FGL2: variants seen among roughly 807,000 people sequenced by gnomAD.
The protein encoded by FGL2 is fibroleukin.
In FGL2, 21 loss-of-function variants were observed where a neutral mutation model predicts 36.0. The observed-to-expected ratio is 0.58, with a 90% CI of 0.41 to 0.84. The LOEUF (loss-of-function observed/expected upper bound fraction) is 0.84, where lower values mean the gene tolerates loss of function less well. Among genes scored for constraint, FGL2 ranks in the 40% least tolerant of loss-of-function variants. The pLI is 0.00. For missense variants in FGL2, 444 were observed against 526.3 expected, an observed-to-expected ratio of 0.84 and a Z score of 1.53; for synonymous variants, 183 against 190.7, an observed-to-expected ratio of 0.96 and a Z score of 0.33.
rs1791828055 is a variant in FGL2, at chr7:77,194,460, T to G, written c.*1819A>C. 1 of 152,114 alleles carries G rather than the reference T, an allele frequency of 6.6e-6. No individual in the cohort carries two copies. Among genetic ancestry groups the G allele is most frequent in the African/African-American group, 2.4e-5 (1 of 41,462 alleles). 9.4% of individuals were successfully genotyped at this position (152,114 alleles called of 1,614,324 possible). A position where few individuals can be genotyped will look rare whatever the true frequency, so the allele number is the denominator to read the frequency against. On this transcript the variant is annotated 3_prime_UTR_variant, in exon 2 of 2. Transcript: ENST00000248598. ...ACATTTTGGTCATCATTTAATGCTA[T>G]TTGCATTTCTCTTTAACATTTTAAT...
At chr7:77,199,057 C>T (rs1172130955) in intron 1 of FGL2, 124 bp downstream of exon 1, 4 of 828,906 alleles carry the variant, frequency 4.8e-6, no homozygotes, top group Non-Finnish European at 5.7e-6. Flanking sequence ...TTCCTGTGCA[C>T]CTTGATAAAT....
In FGL2 at chr7:77,196,314, T is replaced by C; in HGVS notation, c.1285A>G (p.Lys429Glu). The change falls in exon 2 of 2, where the codon AAG (lysine) becomes GAG (glutamate). Residue 429 changes from lysine (K) to glutamate (E), a missense_variant. Physicochemically the swap from Lys to Glu is moderately conservative, Grantham distance 56 (BLOSUM62 1). Transcript: ENST00000248598. The surrounding 1 kb of genome is among the most constrained non-coding windows in gnomAD (Gnocchi z 4.2). ...GGYKSSFKEA[K>E]MMIRPKHFKP Reference sequence around the variant, plus strand: ...AAGTGCTTGGGTCTGATCATCATCTTAGCCTCTTTGAAGGAGGACTTGTAG... The same window carrying C: ...AAGTGCTTGGGTCTGATCATCATCTCAGCCTCTTTGAAGGAGGACTTGTAG... 1 of 1,614,090 alleles carries C rather than the reference T, an allele frequency of 6.2e-7. No homozygotes were observed. The highest frequency in any genetic ancestry group is 8.5e-7 in the Non-Finnish European group (1 of 1,179,970).
chr7:77,198,304 A>G (rs749346721), intron 1 of FGL2: 4 of 985,234 alleles, frequency 4.1e-6, no homozygotes, highest in Non-Finnish European at 4.8e-6. Context: ...TGTCCTTTCA[A>G]CCTCACGTTC....
Position 77,196,142 on chromosome 7 carries a change from G to C in FGL2, c.*137C>G, listed in dbSNP as rs534268977. 1.6e-6 allele frequency: 1 copy of C among 636,378 alleles called. No homozygotes were observed. Among genetic ancestry groups the C allele is most frequent in the East Asian group, 2.7e-5 (1 of 36,474 alleles). 39.4% of individuals were successfully genotyped at this position (636,378 alleles called of 1,614,324 possible). On this transcript the variant is annotated 3_prime_UTR_variant, in exon 2 of 2. Coordinates refer to ENST00000248598, the MANE Select transcript of FGL2 (RefSeq NM_006682.3). The surrounding 1 kb of genome is among the most constrained non-coding windows in gnomAD (Gnocchi z 4.2). Reference sequence around the variant, plus strand: ...ATTGTTTTTCAGCTTTATTTCAAATGCTGTGTAGCATAAGAACCTAGCCGT... The same window carrying C: ...ATTGTTTTTCAGCTTTATTTCAAATCCTGTGTAGCATAAGAACCTAGCCGT...
Position 77,199,809 on chromosome 7 carries a change from C to T in FGL2, c.-16G>A, listed in dbSNP as rs751134997. ...CCAGCTTCATCTTTACAGTGCTGCT[C>T]ACCCCAGCAGGGAGTGCGCAGGGCT... On this transcript the variant is annotated 5_prime_UTR_variant, in exon 1 of 2. Transcript: ENST00000248598. 1.2e-6 allele frequency: 2 copies of T among 1,609,374 alleles called. No homozygotes were observed. Among genetic ancestry groups the T allele is most frequent in the Non-Finnish European group, 1.7e-6 (2 of 1,177,182 alleles).
Position 77,195,347 on chromosome 7 carries a change from A to G in FGL2, c.*932T>C, listed in dbSNP as rs1375852258. 6.6e-6 allele frequency: 1 copy of G among 152,206 alleles called. No homozygotes were observed. The highest frequency in any genetic ancestry group is 1.5e-5 in the Non-Finnish European group (1 of 68,030). 9.4% of individuals were successfully genotyped at this position (152,206 alleles called of 1,614,324 possible). ...TTTAAACCCTGGTCTTCACAGTTAC[A>G]TTGCTTTCTGAATGCTTTTTGGGGT... On this transcript the variant is annotated 3_prime_UTR_variant, in exon 2 of 2. Transcript: ENST00000248598.
intron 1 of FGL2, 170 bp downstream of exon 1, chr7:77,199,011 T>C: frequency 1.6e-6 from 1 of 627,408 alleles, no homozygotes; most frequent in South Asian, 2.1e-5. Context: ...AATTAGGTCA[T>C]ATTTATGTGG....
chr7:77,196,575 C>T lies in FGL2; in HGVS notation c.1024G>A (p.Ala342Thr), dbSNP rs1205279053. The change falls in exon 2 of 2, where the codon GCA becomes ACA. Residue 342 changes from alanine to threonine, a missense_variant. Physicochemically the swap from Ala to Thr is moderately conservative, Grantham distance 58. Coordinates refer to ENST00000248598, the MANE Select transcript of FGL2 (RefSeq NM_006682.3). The surrounding 1 kb of genome is among the most constrained non-coding windows in gnomAD (Gnocchi z 4.2). ...TTGTAATGTTTGTTGAAACGTAATGCATCTCCAGCTGTGCCATTATAGTTA... is the reference window on the plus strand; with the variant it reads ...TTGTAATGTTTGTTGAAACGTAATGTATCTCCAGCTGTGCCATTATAGTTA... Reference protein sequence around the residue: ...VGNYNGTAGDALRFNKHYNHD... With the variant: ...VGNYNGTAGDTLRFNKHYNHD... The T allele has an allele frequency of 1.2e-6, 2 of 1,614,006 alleles. No homozygotes were observed. Among genetic ancestry groups the T allele is most frequent in the Admixed American group, 3.3e-5 (2 of 60,006 alleles).
chr7:77,196,613 C>T lies in FGL2; in HGVS notation c.986G>A (p.Arg329His), dbSNP rs767324365. The stretch of plus-strand genomic sequence containing the variant: ...GCCATTATAGTTACCAACGTGTAAA[C>T]GATATTTGAGAAACTCATTAGCCAC... Reference protein sequence around the residue: ...FYVANEFLKYRLHVGNYNGTA... With the variant: ...FYVANEFLKYHLHVGNYNGTA... Residue 329 changes from arginine to histidine, a missense_variant, in exon 2 of 2, where the codon CGT (arginine) becomes CAT (histidine). Physicochemically the swap from Arg to His is conservative, Grantham distance 29. Transcript: ENST00000248598. The surrounding 1 kb of genome is among the most constrained non-coding windows in gnomAD (Gnocchi z 4.2). The T allele has an allele frequency of 1.4e-5, 23 of 1,613,882 alleles. No homozygotes were observed. The highest frequency in any genetic ancestry group is 3.3e-5 in the Admixed American group (2 of 59,988).
chr7:77,199,124 A>G, intron 1 of FGL2, 57 bp downstream of exon 1: 3 of 1,432,688 alleles, frequency 2.1e-6, no homozygotes, highest in South Asian at 1.3e-5. Flanking sequence ...GTTTATAGAT[A>G]CTCTCTAGCT....
At position 77,199,805 on chromosome 7, in the gene FGL2, T is replaced by C; in HGVS notation, c.-12A>G. The C allele has an allele frequency of 6.2e-7, 1 of 1,610,914 alleles. No individual in the cohort carries two copies. Among genetic ancestry groups the C allele is most frequent in the African/African-American group, 1.3e-5 (1 of 74,992 alleles). On this transcript the variant is annotated 5_prime_UTR_variant, in exon 1 of 2. Coordinates refer to ENST00000248598, the MANE Select transcript of FGL2 (RefSeq NM_006682.3). ...TTAGCCAGCTTCATCTTTACAGTGC[T>C]GCTCACCCCAGCAGGGAGTGCGCAG...
intron 1 of FGL2, 175 bp downstream of exon 1, chr7:77,199,006 G>A: frequency 1.6e-6 from 1 of 613,312 alleles, no homozygotes; most frequent in Non-Finnish European, 2.8e-6. Context: ...TTTGTAATTA[G>A]GTCATATTTA....
intron 1 of FGL2, among the ~76,000 whole-genome samples, chr7:77,197,725 A>G (rs1210285890): frequency 6.6e-6 from 1 of 152,200 alleles, no homozygotes; most frequent in African/African-American, 2.4e-5. Flanking sequence ...TATATAAAGA[A>G]GCTCAAGTGA....
At chr7:77,198,027 C>A in intron 1 of FGL2, 1 of 604,580 alleles carries the variant, frequency 1.7e-6, no homozygotes, top group Non-Finnish European at 2.1e-6. Flanking sequence ...TCAGTTATTT[C>A]ACCCAAAATG....
chr7:77,196,765 G>C lies in FGL2; in HGVS notation c.834C>G (p.Leu278=). 6.2e-7 allele frequency: 1 copy of C among 1,614,124 alleles called. No individual in the cohort carries two copies. The highest frequency in any genetic ancestry group is 8.5e-7 in the Non-Finnish European group (1 of 1,180,010). The change falls in exon 2 of 2, where the codon CTC becomes CTG. Residue 278 remains leucine, a synonymous_variant. Transcript: ENST00000248598. The surrounding 1 kb of genome is among the most constrained non-coding windows in gnomAD (Gnocchi z 4.2). The stretch of plus-strand genomic sequence containing the variant: ...CGTTCCCCAGCCAAAATTCCCTTCT[G>C]AGGTTTCCAAAGCCTGCTTTGTAGT... The part of the protein sequence containing the change: ...WQDYKAGFGN[L]RREFWLGNDK...
chr7:77,198,450 G>A (rs774676440), intron 1 of FGL2: 2 of 239,116 alleles, frequency 8.4e-6, no homozygotes, highest in Non-Finnish European at 1.4e-5. Flanking sequence ...TGGAGTAGGC[G>A]ATTAAGTCTG....
chr7:77,198,249 G>A (rs185048918), intron 1 of FGL2: 1 of 985,422 alleles, frequency 1.0e-6, no homozygotes, highest in African/African-American at 1.7e-5. Context: ...CCTGGGGATG[G>A]AGCATGCCTG....
Position 77,198,309 on chromosome 7 carries a change from A to G in FGL2, c.613+872T>C, listed in dbSNP as rs545063447. ...ATCTCCGCCCTGTCCTTTCAACCTC[A>G]CGTTCATGGTAAGTAGAGGTCCAAA... is the stretch of plus-strand genomic sequence containing the variant. On this transcript the variant is annotated intron_variant, in intron 1 of 1. Transcript: ENST00000248598. The G allele has an allele frequency of 5.1e-6, 5 of 985,322 alleles. No homozygotes were observed. In the East Asian group the frequency reaches 5.7e-4, roughly 112 times the overall value. 61.0% of individuals were successfully genotyped at this position (985,322 alleles called of 1,614,324 possible).
At chr7:77,197,298 G>A (rs978589771) in intron 1 of FGL2, among the ~76,000 whole-genome samples, 4 of 152,214 alleles carry the variant, frequency 2.6e-5, no homozygotes, top group Non-Finnish European at 4.4e-5. Flanking sequence ...CTACCTATAC[G>A]TTCTAGGCAT....
Sources: gnomAD v4.1 joint callset for allele counts (sites outside exome capture counted in the v4.1 genomes callset) on GRCh38, gnomAD v4.1.1 for gene constraint, Gnocchi (gnomAD v3.1) non-coding constraint, MANE v1.5 for transcripts, NCBI Gene and HGNC (gene_info 2026-07-23, HGNC 2026-07-21) for gene names.